FRMD3: variants seen among roughly 807,000 people sequenced by gnomAD.
FRMD3 encodes FERM domain-containing protein 3.
In FRMD3, 33 loss-of-function variants were observed where a neutral mutation model predicts 70.2. That is an observed-to-expected ratio of 0.47 (90% confidence interval 0.36 to 0.63). The LOEUF is 0.63. Among genes scored for constraint, FRMD3 ranks in the 20% least tolerant of loss-of-function variants. FRMD3 has a pLI of 0.00. For synonymous variants in FRMD3, 279 were observed against 255.9 expected (o/e 1.09, Z -0.86); for missense variants, 632 against 711.4 (o/e 0.89, Z 1.27).
chr9:83,574,806 T>C, the FRMD3 span, among the ~76,000 whole-genome samples: 3 of 152,138 alleles, frequency 2.0e-5, no homozygotes, highest in Non-Finnish European at 4.4e-5. Context: ...CCAGGACCTC[T>C]AAGATTTTCC....
chr9:83,490,508 A>T (rs909358740), intron 1 of FRMD3, among the ~76,000 whole-genome samples: 6 of 152,006 alleles, frequency 3.9e-5, no homozygotes, highest in Admixed American at 1.3e-4. Flanking sequence ...TTTTGAACTC[A>T]TGACTTCAAG....
the FRMD3 span, among the ~76,000 whole-genome samples, chr9:83,581,717 T>C: frequency 4.2e-4 from 64 of 152,314 alleles, no homozygotes; most frequent in African/African-American, 1.5e-3. Flanking sequence ...AACCCAAATG[T>C]TCGTCAGCGG....
chr9:83,507,707 T>C (rs865959235), intron 1 of FRMD3, among the ~76,000 whole-genome samples: 11 of 86,884 alleles, frequency 1.3e-4, no homozygotes, highest in Non-Finnish European at 1.7e-4. Context: ...TATATATATA[T>C]ATATATATAT....
At chr9:83,427,929 C>T (rs912776741) in intron 1 of FRMD3, among the ~76,000 whole-genome samples, 3 of 152,136 alleles carry the variant, frequency 2.0e-5, no homozygotes, top group Non-Finnish European at 2.9e-5. Flanking sequence ...AACTGGACAG[C>T]GTCCTACACT....
chr9:83,383,633 C>T (rs893806560), intron 2 of FRMD3, among the ~76,000 whole-genome samples: 4 of 152,198 alleles, frequency 2.6e-5, no homozygotes, highest in African/African-American at 9.7e-5. Flanking sequence ...ACATTTAAAC[C>T]TGTTTCCCTA....
At chr9:83,511,436 A>G (rs1448569537) in intron 1 of FRMD3, among the ~76,000 whole-genome samples, 1 of 152,148 alleles carries the variant, frequency 6.6e-6, no homozygotes, top group Non-Finnish European at 1.5e-5. Flanking sequence ...TCCTGGTAGG[A>G]AAATGGATCA....
In FRMD3 at chr9:83,502,614, A is replaced by T. The variant is rs147864663; in HGVS notation, c.147+35471T>A. 2.2e-3 allele frequency among the ~76,000 whole-genome samples: 342 copies of T among 152,324 alleles called. 3 individuals carry two copies. The highest frequency in any genetic ancestry group is 0.01 in the Middle Eastern group (3 of 294). On this transcript the variant is annotated intron_variant, in intron 1 of 13. Transcript: ENST00000304195. ...TCCAGAAGAGGTGGGCAGACAAATC[A>T]GGATGGTACCCGGAAGCTTGCTGTG...
intron 1 of FRMD3, among the ~76,000 whole-genome samples, chr9:83,490,794 T>TCA (rs762233137): frequency 0.017 from 2,092 of 120,488 alleles, 28 homozygotes; most frequent in African/African-American, 0.061. Context: ...TCTCTCTCTC[T>TCA]CTCTCACACA....
At chr9:83,458,343 G>A (rs568015475) in intron 1 of FRMD3, among the ~76,000 whole-genome samples, 1 of 152,320 alleles carries the variant, frequency 6.6e-6, no homozygotes, top group South Asian at 2.1e-4. Context: ...ATTAAGTAAA[G>A]GTACTGTAAC....
chr9:83,415,786 A>ATAT (rs1169996418), intron 1 of FRMD3, among the ~76,000 whole-genome samples: 2 of 151,848 alleles, frequency 1.3e-5, no homozygotes, highest in African/African-American at 4.8e-5. Context: ...CAGAGACATT[A>ATAT]TATTAGCCTT....
intron 6 of FRMD3, among the ~76,000 whole-genome samples, chr9:83,330,588 G>A (rs1836220767): frequency 6.6e-6 from 1 of 152,182 alleles, no homozygotes; most frequent in Admixed American, 6.5e-5. Flanking sequence ...TACCTGGTCT[G>A]CCATGTGTTT....
At chr9:83,580,727 C>T in the FRMD3 span, among the ~76,000 whole-genome samples, 1 of 151,958 alleles carries the variant, frequency 6.6e-6, no homozygotes, top group Non-Finnish European at 1.5e-5. Context: ...CAGTCAATAA[C>T]GTATACTTCA....
At chr9:83,373,296 T>C (rs904327550) in intron 2 of FRMD3, among the ~76,000 whole-genome samples, 8 of 152,178 alleles carry the variant, frequency 5.3e-5, no homozygotes, top group Non-Finnish European at 1.0e-4. Flanking sequence ...AAGCCGCATA[T>C]GGCTAAAGAC....
chr9:83,248,979 G>A (rs1832271899), intron 13 of FRMD3, among the ~76,000 whole-genome samples: 1 of 151,988 alleles, frequency 6.6e-6, no homozygotes, highest in Non-Finnish European at 1.5e-5. Context: ...ACAATTTTGT[G>A]TTCTAGTTTT....
intron 5 of FRMD3, among the ~76,000 whole-genome samples, chr9:83,338,492 AGC>A (rs1823650807): frequency 6.6e-6 from 1 of 152,190 alleles, no homozygotes; most frequent in African/African-American, 2.4e-5. Context: ...TTAGTGGGAC[AGC>A]TAGATAAGTA....
In FRMD3 at chr9:83,248,529, AT is replaced by A. The variant is rs199655741; in HGVS notation, c.1196-14del. On this transcript the variant is annotated splice_polypyrimidine_tract_variant and intron_variant, in intron 13 of 13. Transcript: ENST00000304195. Reference sequence around the variant, plus strand: ...GGCAATGGAACACCTGTAAAGAGACATTTTTTTTTCTAAATTTAAAATTTCA... The same window carrying A: ...GGCAATGGAACACCTGTAAAGAGACATTTTTTTTCTAAATTTAAAATTTCA... 3.0e-5 allele frequency: 45 copies of A among 1,522,212 alleles called. No homozygotes were observed. Among genetic ancestry groups the A allele is most frequent in the Non-Finnish European group, 3.0e-5 (34 of 1,138,652 alleles). 94.3% of individuals were successfully genotyped at this position (1,522,212 alleles called of 1,614,324 possible). A position where few individuals can be genotyped will look rare whatever the true frequency, so the allele number is the denominator to read the frequency against.
chr9:83,311,980 A>C lies in FRMD3; in HGVS notation c.685-5T>G, dbSNP rs765969971. On this transcript the variant is annotated splice_polypyrimidine_tract_variant and splice_region_variant and intron_variant, in intron 7 of 13. Transcript: ENST00000304195. ...TGTTGTTGTGCCTGTTGAATCCTGA[A>C]AAAAAAAAAAAAGAAAAAAGAAAAA... 9.4e-6 allele frequency: 10 copies of C among 1,061,096 alleles called. No homozygotes were observed. The highest frequency in any genetic ancestry group is 1.2e-5 in the Non-Finnish European group (10 of 821,842). The allele number at this position is 1,061,096 out of a possible 1,614,324, so 65.7% of individuals were successfully genotyped here. A position where few individuals can be genotyped will look rare whatever the true frequency, so the allele number is the denominator to read the frequency against.
At chr9:83,340,067 G>A (rs1411764519) in intron 5 of FRMD3, among the ~76,000 whole-genome samples, 1 of 152,180 alleles carries the variant, frequency 6.6e-6, no homozygotes, top group Admixed American at 6.5e-5. Flanking sequence ...CAAGCCAGGT[G>A]TGGTGGTGCA....
chr9:83,550,911 A>G, the FRMD3 span, among the ~76,000 whole-genome samples: 66 of 152,072 alleles, frequency 4.3e-4, no homozygotes, highest in East Asian at 8.9e-3. Flanking sequence ...ATAGAATCAT[A>G]TTGTCTGCAA....
Sources: allele counts gnomAD v4.1 joint callset (sites outside exome capture counted in the v4.1 genomes callset), GRCh38; gene constraint gnomAD v4.1.1; transcripts MANE v1.5; gene names NCBI Gene and HGNC (gene_info 2026-07-23, HGNC 2026-07-21).